Variants in NME5 observed in about 807,000 individuals in gnomAD.
The protein encoded by NME5 is NME/NM23 family member 5.
Under a neutral mutation model 21.6 loss-of-function variants are expected in NME5, and 18 were observed. That is an observed-to-expected ratio of 0.83 (90% CI 0.58 to 1.24). The LOEUF (loss-of-function observed/expected upper bound fraction) is 1.24. Ranked by LOEUF, NME5 falls within the 50% of genes most tolerant of loss-of-function variation. The probability of loss-of-function intolerance (pLI) is 0.00; values close to 1 mark genes in which losing one functional copy is unlikely to be tolerated. For synonymous variants in NME5, 70 were observed against 80.6 expected, an observed-to-expected ratio of 0.87 and a Z score of 0.71; for missense variants, 223 against 255.4, an observed-to-expected ratio of 0.87 and a Z score of 0.86.
intron 2 of NME5, among the ~76,000 whole-genome samples, chr5:138,131,796 T>A (rs1253526214): frequency 6.6e-6 from 1 of 151,788 alleles, no homozygotes; most frequent in Non-Finnish European, 1.5e-5. Flanking sequence ...CTAGATAGAG[T>A]GCAGTGGTGT....
chr5:138,115,671 G>C lies in NME5; in HGVS notation c.*10C>G. The C allele has an allele frequency of 6.7e-7, 1 of 1,503,420 alleles. No homozygotes were observed. Among genetic ancestry groups the C allele is most frequent in the Non-Finnish European group, 8.9e-7 (1 of 1,117,876 alleles). 93.1% of individuals were successfully genotyped at this position (1,503,420 alleles called of 1,614,324 possible). A position where few individuals can be genotyped will look rare whatever the true frequency, so the allele number is the denominator to read the frequency against. The stretch of plus-strand genomic sequence containing the variant: ...ATAGTTCATGATTTGTTCTTTCGAG[G>C]ATTTTTTTTTTAATAAGGTTCTTCT... On this transcript the variant is annotated 3_prime_UTR_variant, in exon 6 of 6. Transcript: ENST00000265191.
chr5:138,131,678 T>C (rs565050020), intron 2 of NME5, among the ~76,000 whole-genome samples: 1 of 152,178 alleles, frequency 6.6e-6, no homozygotes, highest in Admixed American at 6.5e-5. Flanking sequence ...TAAAAAATCA[T>C]GGTAGCTCAG....
rs1751227126 is a variant in NME5 at position 138,119,086 on chromosome 5, A to G, written c.437-150T>C. On this transcript the variant is annotated intron_variant, in intron 4 of 5. Coordinates refer to ENST00000265191, the MANE Select transcript of NME5 (RefSeq NM_003551.3). ...ACTCTGTTGCCTGGGCTGGAGTGCA[A>G]TGATGCAATCTCAGATCACTGCAAC... 2.3e-5 allele frequency: 12 copies of G among 531,322 alleles called. No individual in the cohort carries two copies. In the South Asian group the frequency reaches 2.8e-4, roughly 12 times the overall value. The allele number at this position is 531,322 out of a possible 1,614,324, so 32.9% of individuals were successfully genotyped here.
chr5:138,122,168 G>T (rs1751298103), intron 4 of NME5, among the ~76,000 whole-genome samples: 2 of 151,914 alleles, frequency 1.3e-5, no homozygotes, highest in Admixed American at 1.3e-4. Flanking sequence ...GCCGGGCGTG[G>T]TGGCTCACAC....
chr5:138,139,304 C>T (rs963645679), intron 1 of NME5, 67 bp downstream of exon 1: 143 of 940,666 alleles, frequency 1.5e-4, no homozygotes, highest in Non-Finnish European at 1.7e-4. Context: ...AGCAGGGCCT[C>T]TAGGTCCGCG....
At position 138,129,386 on chromosome 5, in the gene NME5, G is replaced by A. The variant is rs1178028886; in HGVS notation, c.212C>T (p.Thr71Ile). 1 of 1,613,938 alleles carries A rather than the reference G, an allele frequency of 6.2e-7. No homozygotes were observed. The highest frequency in any genetic ancestry group is 8.5e-7 in the Non-Finnish European group (1 of 1,179,888). The change falls in exon 3 of 6, where the codon ACA becomes ATA. Residue 71 changes from threonine to isoleucine, a missense_variant. Transcript: ENST00000265191. Reference protein sequence around the residue: ...KYGKMFFPNLTAYMSSGPLVA... With the variant: ...KYGKMFFPNLIAYMSSGPLVA... ...AAGTGGTCCAGAACTCATGTAAGCT[G>A]TTAAGTTGGGGAAAAACATTTTTCC...
Position 138,122,441 on chromosome 5 carries a change from T to TAAAAAAAAAAAAAAAAAAAA in NME5, c.437-3525_437-3506dup, listed in dbSNP as rs70979581. Among the ~76,000 whole-genome samples the TAAAAAAAAAAAAAAAAAAAA allele has an allele frequency of 2.6e-3, 89 of 34,462 alleles. 5 individuals are homozygous for TAAAAAAAAAAAAAAAAAAAA. Among genetic ancestry groups the TAAAAAAAAAAAAAAAAAAAA allele is most frequent in the Middle Eastern group, 0.017 (1 of 58 alleles). The allele number at this position is 34,462 out of a possible 152,430, so 22.6% of individuals were successfully genotyped here. A position where few individuals can be genotyped will look rare whatever the true frequency, so the allele number is the denominator to read the frequency against. ...GGTGACAAGAGCGAAACTCTGTCTC[T>TAAAAAAAAAAAAAAAAAAAA]AAAAAAAAAAAAAAAAAAAAAAAAA... On this transcript the variant is annotated intron_variant, in intron 4 of 5. Transcript: ENST00000265191.
chr5:138,138,024 T>A (rs1751746873), intron 2 of NME5, among the ~76,000 whole-genome samples: 1 of 151,920 alleles, frequency 6.6e-6, no homozygotes. Context: ...AAAAAAAAAC[T>A]ATAAAAGAGG....
chr5:138,133,022 C>T (rs1241286475), intron 2 of NME5, among the ~76,000 whole-genome samples: 3 of 151,916 alleles, frequency 2.0e-5, no homozygotes, highest in Admixed American at 2.0e-4. Flanking sequence ...GCCACTTGCC[C>T]CTTAAAAAGC....
intron 4 of NME5, among the ~76,000 whole-genome samples, chr5:138,126,316 C>T (rs1198800118): frequency 6.6e-6 from 1 of 151,602 alleles, no homozygotes; most frequent in Non-Finnish European, 1.5e-5. Context: ...TCGAGACTGG[C>T]CTGGGAAACA....
rs116753639 is a variant in NME5 at position 138,123,743 on chromosome 5, G to A, written c.436+4736C>T. On this transcript the variant is annotated intron_variant, in intron 4 of 5. Coordinates refer to ENST00000265191, the MANE Select transcript of NME5 (RefSeq NM_003551.3). ...CAATTCTTTCAGATATATATATCCA[G>A]CAGTGGGATTGTTAGATCATGTAAC... 8.4e-3 allele frequency among the ~76,000 whole-genome samples: 1,283 copies of A among 152,144 alleles called. 17 individuals are homozygous for A. The highest frequency in any genetic ancestry group is 0.029 in the African/African-American group (1,198 of 41,508).
At position 138,138,791 on chromosome 5, in the gene NME5, C is replaced by A. The variant is rs374625981; in HGVS notation, c.-5-6G>T. 39 of 1,597,146 alleles carry A rather than the reference C, an allele frequency of 2.4e-5. No individual in the cohort carries two copies. In the African/African-American group the frequency reaches 5.0e-4, roughly 21 times the overall value. On this transcript the variant is annotated splice_region_variant and splice_polypyrimidine_tract_variant and intron_variant, in intron 1 of 5. Coordinates refer to ENST00000265191, the MANE Select transcript of NME5 (RefSeq NM_003551.3). ...CATTGATATCTCCATTATGGCTTTT[C>A]AGGGCACAAATTAAGAGTTTCTTAA...
chr5:138,125,319 T>C (rs1307475310), intron 4 of NME5, among the ~76,000 whole-genome samples: 1 of 152,204 alleles, frequency 6.6e-6, no homozygotes, highest in Non-Finnish European at 1.5e-5. Context: ...AATAAATTTG[T>C]TGAAGAAATG....
intron 4 of NME5, among the ~76,000 whole-genome samples, chr5:138,123,387 G>C (rs1751329858): frequency 6.6e-6 from 1 of 151,948 alleles, no homozygotes; most frequent in Admixed American, 6.6e-5. Flanking sequence ...ACTCTCTCTT[G>C]CAAGCTCCTG....
intron 4 of NME5, among the ~76,000 whole-genome samples, chr5:138,126,652 A>G (rs1751435129): frequency 6.6e-6 from 1 of 152,068 alleles, no homozygotes; most frequent in Admixed American, 6.6e-5. Context: ...TGTTTTATTT[A>G]AAAGCTAAAG....
rs1751504720 is a variant in NME5 at position 138,129,307 on chromosome 5, C to T, written c.291G>A (p.Leu97=). Residue 97 remains leucine (L), a synonymous_variant, in exon 3 of 6, where the codon TTG becomes TTA. Coordinates refer to ENST00000265191, the MANE Select transcript of NME5 (RefSeq NM_003551.3). ...TCGCTACTAAGCTATTATTTGGTCC[C>T]AAAAGTTCTAACCAATAAGAGATGG... ...HKAISYWLEL[L]GPNNSLVAKE... is the part of the protein sequence containing the mutation. 3 of 1,613,822 alleles carry T rather than the reference C, an allele frequency of 1.9e-6. No homozygotes were observed. The highest frequency in any genetic ancestry group is 1.7e-5 in the Admixed American group (1 of 59,972).
At chr5:138,134,048 T>C (rs984694986) in intron 2 of NME5, among the ~76,000 whole-genome samples, 2 of 152,226 alleles carry the variant, frequency 1.3e-5, no homozygotes, top group Admixed American at 6.5e-5. Flanking sequence ...GCCTTTGCTC[T>C]GAAAGTTACT....
rs780351291 is a variant in NME5 at position 138,118,843 on chromosome 5, C to T, written c.530G>A (p.Cys177Tyr). The change falls in exon 5 of 6, where the codon TGT becomes TAT. Residue 177 changes from cysteine to tyrosine, a missense_variant. Physicochemically the swap from Cys to Tyr is radical, Grantham distance 194. Transcript: ENST00000265191. ...PTLLEGLTEL[C>Y]KQKPADPLIW... Reference sequence around the variant, plus strand: ...CAAAGGATCTGCTGGTTTTTGCTTACAAAGCTCTGTGAGTCCTTCAAGCAG... The same window carrying T: ...CAAAGGATCTGCTGGTTTTTGCTTATAAAGCTCTGTGAGTCCTTCAAGCAG... The T allele has an allele frequency of 1.2e-6, 2 of 1,611,270 alleles. No homozygotes were observed. Among genetic ancestry groups the T allele is most frequent in the East Asian group, 4.5e-5 (2 of 44,856 alleles).
chr5:138,118,610 G>T (rs1211084000), intron 5 of NME5, among the ~76,000 whole-genome samples: 1 of 151,444 alleles, frequency 6.6e-6, no homozygotes, highest in Admixed American at 6.6e-5. Context: ...TCAGCCTCCT[G>T]AGTAGCTGGG....
Sources: allele counts gnomAD v4.1 joint callset (sites outside exome capture counted in the v4.1 genomes callset), GRCh38; gene constraint gnomAD v4.1.1; transcripts MANE v1.5; gene names NCBI Gene and HGNC (gene_info 2026-07-23, HGNC 2026-07-21).